The following CACNA2D3 variants were observed in gnomAD, a reference collection of about 807,000 sequenced individuals.
CACNA2D3 encodes the protein calcium voltage-gated channel auxiliary subunit alpha2delta 3, also known as voltage-dependent calcium channel subunit alpha-2/delta-3.
Under a neutral mutation model 160.6 loss-of-function variants are expected in CACNA2D3, and 60 were observed. The observed-to-expected ratio is 0.37, with a 90% confidence interval of 0.30 to 0.46. The LOEUF (loss-of-function observed/expected upper bound fraction) is 0.46. Among genes scored for constraint, CACNA2D3 ranks in the 20% least tolerant of loss-of-function variants. The pLI is 1.00. For synonymous variants in CACNA2D3, 558 were observed against 492.9 expected (o/e 1.13, Z -1.75); for missense variants, 1,205 against 1,365.0 (o/e 0.88, Z 1.85).
At chr3:54,618,913 C>T (rs1575385564) in intron 9 of CACNA2D3, among the ~76,000 whole-genome samples, 3 of 152,186 alleles carry the variant, frequency 2.0e-5, no homozygotes, top group Non-Finnish European at 4.4e-5. Flanking sequence ...TGAATTGAAA[C>T]TGACTTCAGT....
intron 12 of CACNA2D3, among the ~76,000 whole-genome samples, chr3:54,755,191 G>A (rs1211747125): frequency 3.9e-5 from 6 of 152,074 alleles, no homozygotes; most frequent in Non-Finnish European, 7.3e-5. Context: ...CTGATTTCAC[G>A]TCCTTCTCCT....
At chr3:54,531,024 G>A (rs1701798278) in intron 5 of CACNA2D3, among the ~76,000 whole-genome samples, 1 of 152,226 alleles carries the variant, frequency 6.6e-6, no homozygotes, top group Non-Finnish European at 1.5e-5. Flanking sequence ...AGAACACAGA[G>A]TTCAGGACAC....
chr3:54,350,991 T>TA lies in CACNA2D3; in HGVS notation c.321+30433_321+30434insA, dbSNP rs1298465326. On this transcript the variant is annotated intron_variant, in intron 3 of 37. Transcript: ENST00000474759. Reference sequence around the variant, plus strand: ...CTGTTTTTTTTTTTTTGTTTGTTTTTTTTTTTTTTTTTTTTGAGACAGAGT... The same window carrying TA: ...CTGTTTTTTTTTTTTTGTTTGTTTTTATTTTTTTTTTTTTTTGAGACAGAGT... 3.0e-5 allele frequency among the ~76,000 whole-genome samples: 3 copies of TA among 100,060 alleles called. 1 individual carries two copies. The highest frequency in any genetic ancestry group is 6.2e-5 in the Non-Finnish European group (3 of 48,692). 65.6% of individuals were successfully genotyped at this position (100,060 alleles called of 152,430 possible).
At chr3:54,750,545 A>G (rs1231661935) in intron 11 of CACNA2D3, among the ~76,000 whole-genome samples, 5 of 152,128 alleles carry the variant, frequency 3.3e-5, no homozygotes, top group Non-Finnish European at 7.4e-5. Context: ...CATCTCCCAA[A>G]GGTTGAAAGC....
At chr3:54,294,389 G>A (rs1267835226) in intron 2 of CACNA2D3, among the ~76,000 whole-genome samples, 5 of 152,202 alleles carry the variant, frequency 3.3e-5, no homozygotes, top group African/African-American at 1.2e-4. Context: ...ACAAGAAGAC[G>A]TCTGTGCTGT....
chr3:54,592,235 T>C lies in CACNA2D3; in HGVS notation c.963+10358T>C, dbSNP rs372745796. On this transcript the variant is annotated intron_variant, in intron 9 of 37. Transcript: ENST00000474759. ...GTAGTGAGAGGATCTCCATGAGTCTTAAAACAGAGGAAAGGTTAGGGTGAA... is the reference window on the plus strand; with the variant it reads ...GTAGTGAGAGGATCTCCATGAGTCTCAAAACAGAGGAAAGGTTAGGGTGAA... Among the ~76,000 whole-genome samples, 20 of 152,312 alleles carry C rather than the reference T, an allele frequency of 1.3e-4. No homozygotes were observed. The East Asian group carries it at 2.9e-3, about 22-fold the overall frequency.
intron 27 of CACNA2D3, among the ~76,000 whole-genome samples, chr3:54,916,321 GGA>G (rs1366981313): frequency 2.6e-5 from 4 of 152,078 alleles, no homozygotes; most frequent in African/African-American, 9.7e-5. Context: ...CCAGGGCCAT[GGA>G]AAGAAAGGTT....
intron 3 of CACNA2D3, among the ~76,000 whole-genome samples, chr3:54,361,385 T>A (rs553400641): frequency 1.3e-5 from 2 of 152,270 alleles, no homozygotes; most frequent in South Asian, 4.1e-4. Flanking sequence ...TTTTTGATTC[T>A]CATTGCAAAG....
intron 13 of CACNA2D3, among the ~76,000 whole-genome samples, chr3:54,805,156 G>A (rs1703088488): frequency 1.3e-5 from 2 of 152,084 alleles, no homozygotes; most frequent in Admixed American, 6.5e-5. Context: ...AAAAGCAAGA[G>A]CAAACACATT....
chr3:54,337,293 C>A (rs1694690894), intron 3 of CACNA2D3, among the ~76,000 whole-genome samples: 1 of 152,196 alleles, frequency 6.6e-6, no homozygotes. Context: ...TCTCAACAAC[C>A]TCATGAGGTA....
intron 11 of CACNA2D3, among the ~76,000 whole-genome samples, chr3:54,685,136 C>A (rs758537720): frequency 6.6e-6 from 1 of 151,910 alleles, no homozygotes; most frequent in South Asian, 2.1e-4. Flanking sequence ...GTTCAACAGC[C>A]GAAAAATGCA....
At chr3:54,130,042 T>G (rs1044886730) in intron 2 of CACNA2D3, among the ~76,000 whole-genome samples, 1 of 152,232 alleles carries the variant, frequency 6.6e-6, no homozygotes, top group Non-Finnish European at 1.5e-5. Flanking sequence ...CAGTTGAATC[T>G]GAGGACTTGC....
chr3:54,961,220 G>C (rs540105612), intron 27 of CACNA2D3, among the ~76,000 whole-genome samples: 1 of 152,278 alleles, frequency 6.6e-6, no homozygotes, highest in South Asian at 2.1e-4. Flanking sequence ...TAAAAATTCA[G>C]AGACTGTCAA....
At chr3:54,986,778 G>A (rs1418698001) in intron 30 of CACNA2D3, among the ~76,000 whole-genome samples, 1 of 115,378 alleles carries the variant, frequency 8.7e-6, no homozygotes, top group Non-Finnish European at 1.6e-5. Context: ...AGCACCCAGA[G>A]TAGAGATGGG....
At position 54,873,963 on chromosome 3, in the gene CACNA2D3, G is replaced by A. The variant is rs192058716; in HGVS notation, c.1710+2341G>A. ...GGGCCTTGGGATTTGCACCTGAGTA[G>A]CAGAGGACAGGGTTTAGGTTGAAAT... On this transcript the variant is annotated intron_variant, in intron 18 of 37. Transcript: ENST00000474759. Among the ~76,000 whole-genome samples the A allele has an allele frequency of 2.4e-3, 370 of 152,288 alleles. 2 individuals are homozygous for A. Among genetic ancestry groups the A allele is most frequent in the African/African-American group, 6.2e-3 (257 of 41,566 alleles).
At chr3:54,724,760 C>G (rs1331460689) in intron 11 of CACNA2D3, among the ~76,000 whole-genome samples, 1 of 152,154 alleles carries the variant, frequency 6.6e-6, no homozygotes, top group East Asian at 1.9e-4. Flanking sequence ...TTCTGGGACA[C>G]ATTTAAAGCA....
At chr3:54,283,951 A>G (rs890151874) in intron 2 of CACNA2D3, among the ~76,000 whole-genome samples, 3 of 152,118 alleles carry the variant, frequency 2.0e-5, no homozygotes, top group Non-Finnish European at 4.4e-5. Context: ...AGTCCCAGCT[A>G]CTCAGGAGGC....
At chr3:54,592,278 A>G (rs2106757661) in intron 9 of CACNA2D3, among the ~76,000 whole-genome samples, 1 of 152,334 alleles carries the variant, frequency 6.6e-6, no homozygotes, top group East Asian at 1.9e-4. Flanking sequence ...GCCTTGATCA[A>G]ACTGAGTTGT....
intron 4 of CACNA2D3, among the ~76,000 whole-genome samples, chr3:54,407,431 G>A (rs548059764): frequency 6.4e-4 from 97 of 152,246 alleles, no homozygotes; most frequent in Admixed American, 1.6e-3. Flanking sequence ...AGCTTGGCAG[G>A]TGGACACAGT....
Sources: allele counts gnomAD v4.1 joint callset (sites outside exome capture counted in the v4.1 genomes callset), GRCh38; gene constraint gnomAD v4.1.1; transcripts MANE v1.5; gene names NCBI Gene and HGNC (gene_info 2026-07-23, HGNC 2026-07-21).